Variants in FOXP1 observed in about 807,000 individuals in gnomAD.
The protein encoded by FOXP1 is forkhead box protein P1.
Under a neutral mutation model 98.2 loss-of-function variants are expected in FOXP1, and 15 were observed. The ratio of observed to expected loss-of-function variants is 0.15; its 90% CI spans 0.10 to 0.24. The LOEUF is 0.24. Among genes scored for constraint, FOXP1 ranks in the 10% least tolerant of loss-of-function variants. The pLI is 1.00. For synonymous variants in FOXP1, 371 were observed against 314.5 expected (o/e 1.18, Z -1.90); for missense variants, 633 against 848.5 (o/e 0.75, Z 3.15).
chr3:71,213,023 C>T (rs73108264), intron 5 of FOXP1, among the ~76,000 whole-genome samples: 17,258 of 151,882 alleles, frequency 0.11, 1,377 homozygotes, highest in Middle Eastern at 0.28. Context: ...TTTGTAGCTT[C>T]CCACATCTGT....
Position 71,046,084 on chromosome 3 carries a change from GC to G in FOXP1, c.664+857del, listed in dbSNP as rs1287438378. Among the ~76,000 whole-genome samples, 3 of 152,034 alleles carry G rather than the reference GC, an allele frequency of 2.0e-5. No individual in the cohort carries two copies. In the East Asian group the frequency reaches 5.8e-4, roughly 29 times the overall value. On this transcript the variant is annotated intron_variant, in intron 10 of 20. Coordinates refer to ENST00000649528, the MANE Select transcript of FOXP1 (RefSeq NM_001349338.3). ...CTCTTTCCTTCCTGCCTGCCTGTCCGCCCTCCCTCCCTCTTGACATCCCTTC... is the reference window on the plus strand; with the variant it reads ...CTCTTTCCTTCCTGCCTGCCTGTCCGCCTCCCTCCCTCTTGACATCCCTTC...
intron 2 of FOXP1, among the ~76,000 whole-genome samples, chr3:71,560,916 G>A (rs1299667761): frequency 6.6e-6 from 1 of 152,158 alleles, no homozygotes; most frequent in East Asian, 1.9e-4. Context: ...AAGGAAATGG[G>A]GTGGAGAGAG....
At chr3:71,180,010 G>A (rs2062190213) in intron 6 of FOXP1, among the ~76,000 whole-genome samples, 1 of 152,208 alleles carries the variant, frequency 6.6e-6, no homozygotes, top group African/African-American at 2.4e-5. Flanking sequence ...CACTGGTGGA[G>A]TGAAGTGACT....
intron 2 of FOXP1, among the ~76,000 whole-genome samples, chr3:71,521,395 C>T (rs926122416): frequency 2.6e-5 from 4 of 151,978 alleles, no homozygotes; most frequent in Non-Finnish European, 5.9e-5. Context: ...GGTGTGGTGG[C>T]AAGCGCCTGT....
At chr3:71,182,043 GAAAAAAAAGA>G (rs1553770477) in intron 6 of FOXP1, among the ~76,000 whole-genome samples, 2 of 140,366 alleles carry the variant, frequency 1.4e-5, no homozygotes, top group Admixed American at 7.2e-5. Context: ...TCAAAAAAAA[GAAAAAAAAGA>G]AAAAAAAAGA....
chr3:71,129,294 A>G (rs926218960), intron 6 of FOXP1, among the ~76,000 whole-genome samples: 1 of 152,196 alleles, frequency 6.6e-6, no homozygotes, highest in African/African-American at 2.4e-5. Context: ...TTTTCTTGCA[A>G]AAGAGAACAA....
intron 4 of FOXP1, among the ~76,000 whole-genome samples, chr3:71,314,530 A>AATATATATATATATATAT (rs59655430): frequency 7.0e-6 from 1 of 143,370 alleles, no homozygotes; most frequent in African/African-American, 2.5e-5. Context: ...CCGTCTAAAA[A>AATATATATATATATATAT]ATATATATAT....
chr3:71,569,537 T>C (rs770783458), intron 2 of FOXP1, among the ~76,000 whole-genome samples: 3 of 152,156 alleles, frequency 2.0e-5, no homozygotes, highest in Non-Finnish European at 4.4e-5. Context: ...TACTGGAAAA[T>C]ACTCTGCTAC....
chr3:71,029,096 G>A (rs1363332414), intron 11 of FOXP1, among the ~76,000 whole-genome samples: 1 of 152,136 alleles, frequency 6.6e-6, no homozygotes, highest in Non-Finnish European at 1.5e-5. Flanking sequence ...CTGGGGTTTG[G>A]GGACCCCTGT....
chr3:71,197,955 A>G (rs780809044), intron 6 of FOXP1: 2 of 1,614,200 alleles, frequency 1.2e-6, no homozygotes, highest in South Asian at 1.1e-5. Flanking sequence ...TCTTCGTCTC[A>G]GCAACTGCTC....
rs562189682 is a variant in FOXP1, at chr3:71,100,291, G to A, written c.282+12245C>T. On this transcript the variant is annotated intron_variant, in intron 7 of 20. Transcript: ENST00000649528. ...AAACCTCTTCGGTGTGTAATTCTAT[G>A]TGGTTCAGACTCTTATTCTGTTTCT... Among the ~76,000 whole-genome samples the A allele has an allele frequency of 2.0e-5, 3 of 152,352 alleles. No individual in the cohort carries two copies. The East Asian group carries it at 5.8e-4, about 29-fold the overall frequency.
intron 5 of FOXP1, among the ~76,000 whole-genome samples, chr3:71,204,076 G>A (rs2063849697): frequency 6.6e-6 from 1 of 152,176 alleles, no homozygotes; most frequent in Non-Finnish European, 1.5e-5. Context: ...TTAACTCCAT[G>A]CAGTTAGTAG....
At position 71,224,064 on chromosome 3, in the gene FOXP1, A is replaced by G. The variant is rs144137432; in HGVS notation, c.-11-25672T>C. Among the ~76,000 whole-genome samples the G allele has an allele frequency of 3.3e-3, 499 of 152,350 alleles. 2 individuals are homozygous for G. Among genetic ancestry groups the G allele is most frequent in the African/African-American group, 0.011 (473 of 41,578 alleles). On this transcript the variant is annotated intron_variant, in intron 5 of 20. Coordinates refer to ENST00000649528, the MANE Select transcript of FOXP1 (RefSeq NM_001349338.3). ...AGTTGGAGATTCTGAATTTAGAGGA[A>G]TTAAGATTAACGAGTTGTACCATCT...
At chr3:71,297,340 T>C (rs2073403756) in intron 5 of FOXP1, among the ~76,000 whole-genome samples, 1 of 152,154 alleles carries the variant, frequency 6.6e-6, no homozygotes, top group South Asian at 2.1e-4. Context: ...AATTTTTCCC[T>C]TGACCTATGA....
chr3:71,460,201 C>A (rs1172415179), intron 3 of FOXP1, among the ~76,000 whole-genome samples: 1 of 151,662 alleles, frequency 6.6e-6, no homozygotes, highest in Non-Finnish European at 1.5e-5. Context: ...TATTAGCAAA[C>A]CATTTAGCTG....
intron 14 of FOXP1, among the ~76,000 whole-genome samples, chr3:70,979,778 TAAAAA>T (rs34746282): frequency 7.2e-6 from 1 of 138,174 alleles, no homozygotes; most frequent in East Asian, 2.3e-4. Context: ...ACACTCTAGT[TAAAAA>T]AAAAAAAAAA....
At chr3:70,964,228 C>A (rs561285939) in intron 20 of FOXP1, among the ~76,000 whole-genome samples, 1 of 152,102 alleles carries the variant, frequency 6.6e-6, no homozygotes, top group African/African-American at 2.4e-5. Context: ...ATAGTTGAAA[C>A]CTTCATTTCA....
chr3:71,350,146 C>A (rs531862768), intron 4 of FOXP1, among the ~76,000 whole-genome samples: 4 of 152,304 alleles, frequency 2.6e-5, no homozygotes, highest in African/African-American at 7.2e-5. Context: ...TTATTCCCAC[C>A]ACTTACATTC....
intron 3 of FOXP1, among the ~76,000 whole-genome samples, chr3:71,410,931 C>T (rs374147872): frequency 6.6e-6 from 1 of 152,152 alleles, no homozygotes; most frequent in African/African-American, 2.4e-5. Flanking sequence ...AGAGGTATGC[C>T]TTATCACGCG....
Sources: gnomAD v4.1 joint callset for allele counts (sites outside exome capture counted in the v4.1 genomes callset) on GRCh38, gnomAD v4.1.1 for gene constraint, MANE v1.5 for transcripts, NCBI Gene and HGNC (gene_info 2026-07-23, HGNC 2026-07-21) for gene names.